DNAH9: variants seen among roughly 807,000 people sequenced by gnomAD.
DNAH9 encodes DNAH9 variant protein.
DNAH9 carries 345 observed loss-of-function variants against 471.6 expected under a neutral mutation model. That is an observed-to-expected ratio of 0.73 (90% confidence interval 0.67 to 0.80). The LOEUF is 0.80. DNAH9 is among the 30% of genes least tolerant of loss of function. The pLI, the probability that DNAH9 is intolerant of heterozygous loss-of-function variation, is 0.00. For missense variants in DNAH9, 5,407 were observed against 5,609.2 expected (o/e 0.96, Z 1.15); for synonymous variants, 2,093 against 2,123.6 (o/e 0.99, Z 0.40).
rs181586960 is a variant in DNAH9 at position 11,650,737 on chromosome 17, G to A, written c.2098-332G>A. ...ACCACCCTTGGATGGGAACTGGCTG[G>A]GCCCCTATGAGCCCATCATTTCCGC... On this transcript the variant is annotated intron_variant, in intron 12 of 68. Transcript: ENST00000262442. Among the ~76,000 whole-genome samples, 32 of 152,242 alleles carry A rather than the reference G, an allele frequency of 2.1e-4. No homozygotes were observed. In the South Asian group the frequency reaches 2.7e-3, roughly 13 times the overall value.
At chr17:11,938,162 G>A (rs1474457517) in intron 66 of DNAH9, among the ~76,000 whole-genome samples, 1 of 152,002 alleles carries the variant, frequency 6.6e-6, no homozygotes, top group Non-Finnish European at 1.5e-5. Context: ...ATCCTGGTGT[G>A]GGGGTAGCTG....
intron 27 of DNAH9, among the ~76,000 whole-genome samples, chr17:11,726,849 C>G (rs2075161137): frequency 6.6e-6 from 1 of 151,948 alleles, no homozygotes. Flanking sequence ...GAGTTTGAGA[C>G]CAGCCCTGAC....
chr17:11,816,172 C>T (rs188805196), intron 45 of DNAH9, among the ~76,000 whole-genome samples: 37 of 152,164 alleles, frequency 2.4e-4, no homozygotes, highest in East Asian at 3.9e-4. Flanking sequence ...TGTATTGAAA[C>T]GAGATTGTAA....
chr17:11,908,322 A>G (rs938579497), intron 61 of DNAH9, among the ~76,000 whole-genome samples: 4 of 152,240 alleles, frequency 2.6e-5, no homozygotes, highest in African/African-American at 7.2e-5. Flanking sequence ...TAATTGACAA[A>G]TAATAATTGC....
intron 17 of DNAH9, among the ~76,000 whole-genome samples, chr17:11,675,408 C>G (rs751755667): frequency 2.6e-5 from 4 of 152,060 alleles, no homozygotes; most frequent in Non-Finnish European, 5.9e-5. Context: ...CTTCTTCCTT[C>G]TCGGTCTTTA....
intron 49 of DNAH9, among the ~76,000 whole-genome samples, chr17:11,840,562 C>T (rs746700036): frequency 2.6e-5 from 4 of 152,236 alleles, no homozygotes; most frequent in South Asian, 4.2e-4. Context: ...ATGCCTCTCC[C>T]CCAAAGAGTT....
At chr17:11,737,480 C>T (rs796331173) in intron 28 of DNAH9, among the ~76,000 whole-genome samples, 4 of 152,262 alleles carry the variant, frequency 2.6e-5, no homozygotes, top group African/African-American at 9.6e-5. Flanking sequence ...GTTTTGCTTC[C>T]GAGAACCTGA....
intron 48 of DNAH9, among the ~76,000 whole-genome samples, chr17:11,827,711 A>G (rs1323440264): frequency 4.7e-5 from 7 of 148,792 alleles, no homozygotes; most frequent in African/African-American, 1.7e-4. Flanking sequence ...CTTGAGATGG[A>G]GCTTCACTCT....
Position 11,603,040 on chromosome 17 carries a change from T to G in DNAH9, c.417+4125T>G, listed in dbSNP as rs890877383. On this transcript the variant is annotated intron_variant, in intron 1 of 68. Transcript: ENST00000262442. ...ATCATACCCTTGCATCAGCTCCTGA[T>G]GTACTGGCCTCTACCTCACTATGTC... is the stretch of plus-strand genomic sequence containing the variant. 3.3e-5 allele frequency among the ~76,000 whole-genome samples: 5 copies of G among 152,218 alleles called. No individual in the cohort carries two copies. In the East Asian group the frequency reaches 9.6e-4, roughly 29 times the overall value.
At chr17:11,612,191 G>A (rs978688336) in intron 4 of DNAH9, 20 of 412,378 alleles carry the variant, frequency 4.8e-5, no homozygotes, top group African/African-American at 1.0e-4. Flanking sequence ...TGGCCATTAT[G>A]GAGCCTGTGT....
rs1415237181 is a variant in DNAH9 at position 11,940,463 on chromosome 17, G to GA, written c.12661-1839dup. Among the ~76,000 whole-genome samples, 9 of 152,300 alleles carry GA rather than the reference G, an allele frequency of 5.9e-5. No individual in the cohort carries two copies. In the South Asian group the frequency reaches 1.5e-3, roughly 25 times the overall value. ...AGCTGTTTTTTCAAACTCTGCTCCA[G>GA]AGAAAAATATATATATAATTTTAGC... On this transcript the variant is annotated intron_variant, in intron 66 of 68. Transcript: ENST00000262442.
chr17:11,950,903 C>A (rs1350670737), intron 67 of DNAH9, among the ~76,000 whole-genome samples: 2 of 152,134 alleles, frequency 1.3e-5, no homozygotes, highest in African/African-American at 4.8e-5. Flanking sequence ...ACATCCCAAA[C>A]GACCAGGACA....
At chr17:11,815,770 CAG>C (rs1313538371) in intron 45 of DNAH9, among the ~76,000 whole-genome samples, 1 of 152,092 alleles carries the variant, frequency 6.6e-6, no homozygotes, top group Non-Finnish European at 1.5e-5. Context: ...GCCTGGCTGA[CAG>C]AGCAAGACCA....
intron 38 of DNAH9, among the ~76,000 whole-genome samples, chr17:11,772,922 C>T (rs1968268417): frequency 6.6e-6 from 1 of 152,198 alleles, no homozygotes; most frequent in African/African-American, 2.4e-5. Flanking sequence ...TGGGAACTTC[C>T]TTCCTCTTGC....
At chr17:11,621,904 ACC>A (rs759476980) in intron 6 of DNAH9, among the ~76,000 whole-genome samples, 94 of 135,826 alleles carry the variant, frequency 6.9e-4, no homozygotes, top group Non-Finnish European at 1.3e-3. Flanking sequence ...ACATGGTGAA[ACC>A]CCGTCTCTAC....
At chr17:11,805,523 C>CTTTTTTTTTTTTTTTTTTTTTTTTTTTT (rs773842478) in intron 43 of DNAH9, among the ~76,000 whole-genome samples, 2 of 52,092 alleles carry the variant, frequency 3.8e-5, no homozygotes, top group Non-Finnish European at 6.8e-5. Context: ...TACCCGAGTT[C>CTTTTTTTTTTTTTTTTTTTTTTTTTTTT]TTTTTTTTTT....
chr17:11,602,600 C>G (rs1309821014), intron 1 of DNAH9, among the ~76,000 whole-genome samples: 1 of 152,162 alleles, frequency 6.6e-6, no homozygotes, highest in Non-Finnish European at 1.5e-5. Context: ...GCTACCCTTG[C>G]GTGTGTATGA....
At position 11,762,849 on chromosome 17, in the gene DNAH9, A is replaced by C. The variant is rs796870146; in HGVS notation, c.6996-591A>C. Among the ~76,000 whole-genome samples the C allele has an allele frequency of 3.5e-4, 48 of 136,754 alleles. 1 individual carries two copies. The highest frequency in any genetic ancestry group is 1.2e-3 in the African/African-American group (45 of 36,472). The allele number at this position is 136,754 out of a possible 152,430, so 89.7% of individuals were successfully genotyped here. ...GGCTGGAATGCAGTGGCCCGATCTC[A>C]GCTCACTGCAAGCTCCGCCTCCCGG... On this transcript the variant is annotated intron_variant, in intron 35 of 68. Transcript: ENST00000262442.
chr17:11,763,303 G>A (rs1306554359), intron 35 of DNAH9, 137 bp from the exon 36 acceptor site: 10 of 734,206 alleles, frequency 1.4e-5, no homozygotes, highest in African/African-American at 3.5e-5. Flanking sequence ...CTTAAGTGGC[G>A]CTCTGGTTGT....
Sources: allele counts gnomAD v4.1 joint callset (sites outside exome capture counted in the v4.1 genomes callset), GRCh38; gene constraint gnomAD v4.1.1; transcripts MANE v1.5; gene names NCBI Gene and HGNC (gene_info 2026-07-23, HGNC 2026-07-21).